The following EXOSC5 variants were observed in gnomAD, a reference collection of about 807,000 sequenced individuals.
EXOSC5 encodes the protein exosome component 5, also known as exosome complex component RRP46.
EXOSC5 carries 15 observed loss-of-function variants against 23.7 expected under a neutral mutation model. The ratio of observed to expected loss-of-function variants is 0.63; its 90% CI spans 0.42 to 0.97. The LOEUF is 0.97. Among genes scored for constraint, EXOSC5 ranks in the 50% least tolerant of loss-of-function variants. The pLI is 0.00. For missense variants in EXOSC5, 305 were observed against 316.3 expected (o/e 0.96, Z 0.27); for synonymous variants, 143 against 140.9 (o/e 1.02, Z -0.11).
intron 3 of EXOSC5, among the ~76,000 whole-genome samples, chr19:41,390,843 T>C (rs1022054748): frequency 6.6e-6 from 1 of 152,216 alleles, no homozygotes; most frequent in Non-Finnish European, 1.5e-5. Flanking sequence ...TTTCCACTTC[T>C]GTAAAATGGG....
rs564403948 is a variant in EXOSC5 at position 41,386,507 on chromosome 19, G to A, written c.*126C>T. The A allele has an allele frequency of 6.6e-5, 58 of 878,876 alleles. 1 individual carries two copies. In the South Asian group the frequency reaches 9.5e-4, roughly 14 times the overall value. The allele number at this position is 878,876 out of a possible 1,614,324, so 54.4% of individuals were successfully genotyped here. A position where few individuals can be genotyped will look rare whatever the true frequency, so the allele number is the denominator to read the frequency against. ...CAAGGCCTCCCCACAGGAGCCCTGT[G>A]GTTACAGAGCTGCAGGCTCAAGGAG... On this transcript the variant is annotated 3_prime_UTR_variant, in exon 6 of 6. Transcript: ENST00000221233.
chr19:41,386,821 C>CTTA, intron 5 of EXOSC5, 96 bp from the exon 6 acceptor site: 1 of 1,052,142 alleles, frequency 9.5e-7, no homozygotes, highest in Non-Finnish European at 1.4e-6. Context: ...ACCTGACTCC[C>CTTA]TTAACCTCCC....
intron 1 of EXOSC5, among the ~76,000 whole-genome samples, chr19:41,395,835 C>A (rs949761147): frequency 6.6e-6 from 1 of 152,186 alleles, no homozygotes; most frequent in Non-Finnish European, 1.5e-5. Flanking sequence ...ATCTATATAG[C>A]CAGAGAGTTC....
intron 1 of EXOSC5, among the ~76,000 whole-genome samples, chr19:41,396,513 C>T (rs1165965667): frequency 2.0e-5 from 3 of 151,968 alleles, no homozygotes; most frequent in African/African-American, 7.3e-5. Context: ...CCCGGCCTCC[C>T]GTCTCAAACG....
intron 1 of EXOSC5, among the ~76,000 whole-genome samples, chr19:41,394,502 T>C (rs1174307576): frequency 6.6e-6 from 1 of 151,952 alleles, no homozygotes; most frequent in African/African-American, 2.4e-5. Context: ...CTGAGCAGCA[T>C]AGGAAGACTC....
Position 41,386,635 on chromosome 19 carries a change from A to G in EXOSC5, c.706T>C (p.Ter236ArgextTer20), listed in dbSNP as rs1232203899. ...ESLQRRYSKS[*>R] Reference sequence around the variant, plus strand: ...GCGGCCCCTTGCCCCAGCTTGCCTCAGCTCTTGGAGTAACGCCTCTGCAGC... The same window carrying G: ...GCGGCCCCTTGCCCCAGCTTGCCTCGGCTCTTGGAGTAACGCCTCTGCAGC... The change falls in exon 6 of 6, where the codon TGA (stop) becomes CGA (arginine). Residue 236 changes from the stop codon to arginine, a stop_lost. Coordinates refer to ENST00000221233, the MANE Select transcript of EXOSC5 (RefSeq NM_020158.4). 2 of 1,584,666 alleles carry G rather than the reference A, an allele frequency of 1.3e-6. No homozygotes were observed. The highest frequency in any genetic ancestry group is 3.6e-5 in the Admixed American group (2 of 55,532).
chr19:41,387,593 G>A lies in EXOSC5; in HGVS notation c.536C>T (p.Ala179Val). The A allele has an allele frequency of 6.3e-7, 1 of 1,598,948 alleles. No individual in the cohort carries two copies. Among genetic ancestry groups the A allele is most frequent in the Admixed American group, 1.8e-5 (1 of 56,858 alleles). The change falls in exon 5 of 6, where the codon GCA becomes GTA. Residue 179 changes from alanine to valine, a missense_variant. Coordinates refer to ENST00000221233, the MANE Select transcript of EXOSC5 (RefSeq NM_020158.4). ...PTSKQEKEAR[A>V]VLTFALDSVE... ...GCTGTCCAGGGCAAAGGTCAGGACT[G>A]CCCGGGCCTCCTAGGGACAAGGGGT...
intron 4 of EXOSC5, among the ~76,000 whole-genome samples, 189 bp from the exon 5 acceptor site, chr19:41,387,792 GAAAAAAAA>G (rs58638587): frequency 6.9e-5 from 8 of 116,374 alleles, no homozygotes; most frequent in Non-Finnish European, 1.2e-4. Flanking sequence ...CCCCATCTCA[GAAAAAAAA>G]AAAAAAAAAA....
chr19:41,392,653 CAGAG>C (rs1002271303), intron 2 of EXOSC5, among the ~76,000 whole-genome samples: 9 of 150,704 alleles, frequency 6.0e-5, no homozygotes, highest in African/African-American at 7.3e-5. Context: ...AGAGTGGAGG[CAGAG>C]AGAGGGAGAA....
At position 41,397,260 on chromosome 19, in the gene EXOSC5, AC is replaced by A. The variant is rs776134069; in HGVS notation, c.68del (p.Gly23ValfsTer42). The A allele has an allele frequency of 3.1e-6, 5 of 1,614,112 alleles. No homozygotes were observed. Among genetic ancestry groups the A allele is most frequent in the Non-Finnish European group, 4.2e-6 (5 of 1,179,998 alleles). On this transcript the variant is annotated frameshift_variant, in exon 1 of 6. Transcript: ENST00000221233. LOFTEE classifies it high-confidence loss of function. ...AENGTGSSPR[G>X]PGCSLRHFAC... ...CAAAGTGCCGGAGGCTGCAGCCAGG[AC>A]CCCGAGGGCTGGACCCTGTTCCATT... is the stretch of plus-strand genomic sequence containing the variant.
At chr19:41,388,276 T>C (rs2038999210) in intron 4 of EXOSC5, among the ~76,000 whole-genome samples, 1 of 152,212 alleles carries the variant, frequency 6.6e-6, no homozygotes, top group Non-Finnish European at 1.5e-5. Context: ...CCCCCTTCCA[T>C]GCTCTGTCCC....
At position 41,389,828 on chromosome 19, in the gene EXOSC5, C is replaced by A. The variant is rs374439853; in HGVS notation, c.462G>T (p.Gly154=). The change falls in exon 4 of 6, where the codon GGG becomes GGT. Residue 154 remains glycine (G), a synonymous_variant. Transcript: ENST00000221233. The part of the protein sequence containing the change: ...AGVPMRALFC[G]VACALDSDGT... ...CATCAGAGTCCAGGGCGCAGGCGACCCCACAGAAGAGAGCCCGCATGGGCA... is the reference window on the plus strand; with the variant it reads ...CATCAGAGTCCAGGGCGCAGGCGACACCACAGAAGAGAGCCCGCATGGGCA... 6.2e-7 allele frequency: 1 copy of A among 1,614,066 alleles called. No individual in the cohort carries two copies. The highest frequency in any genetic ancestry group is 1.3e-5 in the African/African-American group (1 of 74,922).
At chr19:41,388,294 C>G (rs1165466076) in intron 4 of EXOSC5, among the ~76,000 whole-genome samples, 1 of 152,244 alleles carries the variant, frequency 6.6e-6, no homozygotes, top group African/African-American at 2.4e-5. Context: ...CCCACAGGGG[C>G]TGGAAGCCAG....
chr19:41,392,304 A>C (rs1217332047), intron 2 of EXOSC5, among the ~76,000 whole-genome samples: 3 of 152,204 alleles, frequency 2.0e-5, no homozygotes. Context: ...TTAATGGTCC[A>C]GGCACAGTGG....
chr19:41,392,222 G>A (rs1003897539), intron 2 of EXOSC5: 9 of 494,482 alleles, frequency 1.8e-5, no homozygotes, highest in Non-Finnish European at 2.8e-5. Context: ...TGCTACCCAC[G>A]CCCACTCCCA....
Position 41,386,513 on chromosome 19 carries a change from A to C in EXOSC5, c.*120T>G. On this transcript the variant is annotated 3_prime_UTR_variant, in exon 6 of 6. Transcript: ENST00000221233. ...CTCCCCACAGGAGCCCTGTGGTTAC[A>C]GAGCTGCAGGCTCAAGGAGCCCATG... 1.0e-6 allele frequency: 1 copy of C among 959,258 alleles called. No individual in the cohort carries two copies. The highest frequency in any genetic ancestry group is 1.5e-6 in the Non-Finnish European group (1 of 651,800). The allele number at this position is 959,258 out of a possible 1,614,324, so 59.4% of individuals were successfully genotyped here. A position where few individuals can be genotyped will look rare whatever the true frequency, so the allele number is the denominator to read the frequency against.
chr19:41,391,721 G>A, intron 3 of EXOSC5, 120 bp downstream of exon 3: 3 of 1,341,878 alleles, frequency 2.2e-6, no homozygotes, highest in Non-Finnish European at 2.9e-6. Context: ...TCCTTCTTCA[G>A]TGAGCTGGTA....
chr19:41,396,894 C>T (rs1192917248), intron 1 of EXOSC5, among the ~76,000 whole-genome samples: 1 of 151,852 alleles, frequency 6.6e-6, no homozygotes, highest in African/African-American at 2.4e-5. Context: ...GGGATATTTA[C>T]CCTGGCGAGG....
intron 4 of EXOSC5, among the ~76,000 whole-genome samples, chr19:41,389,040 G>C (rs2039004172): frequency 6.6e-6 from 1 of 152,214 alleles, no homozygotes; most frequent in African/African-American, 2.4e-5. Flanking sequence ...CCACCCTCCA[G>C]GTTTAAGTGA....
Sources: allele counts gnomAD v4.1 joint callset (sites outside exome capture counted in the v4.1 genomes callset), GRCh38; gene constraint gnomAD v4.1.1; transcripts MANE v1.5; gene names NCBI Gene and HGNC (gene_info 2026-07-23, HGNC 2026-07-21).